The following GRIA4 variants were observed in gnomAD, a reference collection of about 807,000 sequenced individuals.
GRIA4 encodes glutamate receptor 4.
A neutral mutation model predicts 104.0 loss-of-function variants in GRIA4; 34 were observed. The ratio of observed to expected loss-of-function variants is 0.33; its 90% CI spans 0.25 to 0.44. The LOEUF is 0.44. Among genes scored for constraint, GRIA4 ranks in the 20% least tolerant of loss-of-function variants. GRIA4 has a pLI of 1.00. For missense variants in GRIA4, 750 were observed against 1,096.5 expected (o/e 0.68, Z 4.46); for synonymous variants, 386 against 381.9 (o/e 1.01, Z -0.13).
intron 14 of GRIA4, among the ~76,000 whole-genome samples, chr11:105,936,695 T>C (rs1219440317): frequency 6.6e-6 from 1 of 152,192 alleles, no homozygotes; most frequent in African/African-American, 2.4e-5. Flanking sequence ...GAGTACGATA[T>C]ATAACCAGAA....
rs999572592 is a variant in GRIA4, at chr11:105,979,987, G to T, written c.*248G>T. The T allele has an allele frequency of 1.6e-5, 6 of 384,310 alleles. No individual in the cohort carries two copies. Among genetic ancestry groups the T allele is most frequent in the African/African-American group, 2.0e-5 (1 of 49,932 alleles). The allele number at this position is 384,310 out of a possible 1,614,324, so 23.8% of individuals were successfully genotyped here. On this transcript the variant is annotated 3_prime_UTR_variant, in exon 17 of 17. Coordinates refer to ENST00000282499, the MANE Select transcript of GRIA4 (RefSeq NM_000829.4). ...GGTTTTTTTCGGGGAGTGGGTGGGG[G>T]AGGGATCTGGGATGGGTGTATTAAC...
At chr11:105,679,057 GA>G (rs1020124319) in intron 3 of GRIA4, among the ~76,000 whole-genome samples, 1 of 151,914 alleles carries the variant, frequency 6.6e-6, no homozygotes, top group Non-Finnish European at 1.5e-5. Context: ...TGTATATATA[GA>G]AAAAAAATCT....
At chr11:105,900,974 T>C (rs1565327890) in intron 7 of GRIA4, among the ~76,000 whole-genome samples, 1 of 152,194 alleles carries the variant, frequency 6.6e-6, no homozygotes, top group South Asian at 2.1e-4. Context: ...ATATATATTT[T>C]GTAAATGTGA....
intron 3 of GRIA4, among the ~76,000 whole-genome samples, chr11:105,616,289 C>T (rs2135255314): frequency 6.6e-6 from 1 of 151,636 alleles, no homozygotes; most frequent in South Asian, 2.1e-4. Context: ...CAAATAGAAT[C>T]AATATTATGC....
chr11:105,739,678 A>G (rs551383046), intron 3 of GRIA4, among the ~76,000 whole-genome samples: 2 of 152,218 alleles, frequency 1.3e-5, no homozygotes, highest in South Asian at 4.1e-4. Flanking sequence ...CCTATCCACC[A>G]TCTGATTGAG....
chr11:105,886,768 G>T (rs950887890), intron 5 of GRIA4, among the ~76,000 whole-genome samples: 4 of 152,016 alleles, frequency 2.6e-5, no homozygotes, highest in Middle Eastern at 3.4e-3. Flanking sequence ...CTTGTTGAAG[G>T]AATTTTCAGT....
At chr11:105,754,499 T>C (rs1436492276) in intron 4 of GRIA4, among the ~76,000 whole-genome samples, 4 of 152,150 alleles carry the variant, frequency 2.6e-5, no homozygotes, top group Admixed American at 2.6e-4. Flanking sequence ...ACCTTTCACT[T>C]TACCAGTTTT....
chr11:105,627,616 G>T (rs567267025), intron 3 of GRIA4, among the ~76,000 whole-genome samples: 6 of 152,150 alleles, frequency 3.9e-5, no homozygotes, highest in African/African-American at 1.4e-4. Flanking sequence ...GACCCATTTT[G>T]GTATGTAATT....
chr11:105,738,058 C>T (rs529549250), intron 3 of GRIA4, among the ~76,000 whole-genome samples: 20 of 149,738 alleles, frequency 1.3e-4, no homozygotes, highest in Non-Finnish European at 1.8e-4. Flanking sequence ...TGCCTGGATG[C>T]CTCCCTCTCA....
At chr11:105,910,297 T>C in intron 9 of GRIA4, 138 bp from the exon 10 acceptor site, 1 of 604,656 alleles carries the variant, frequency 1.7e-6, no homozygotes, top group East Asian at 2.8e-5. Context: ...CTGAACACTT[T>C]TTTTTTTTCT....
intron 5 of GRIA4, among the ~76,000 whole-genome samples, chr11:105,882,455 G>A (rs1232214898): frequency 6.6e-6 from 1 of 152,154 alleles, no homozygotes; most frequent in East Asian, 1.9e-4. Flanking sequence ...TGTAAAATCT[G>A]ATTGTGGATT....
intron 3 of GRIA4, among the ~76,000 whole-genome samples, chr11:105,747,521 G>C (rs1340799964): frequency 1.3e-5 from 2 of 152,114 alleles, no homozygotes; most frequent in Non-Finnish European, 2.9e-5. Flanking sequence ...AAATGTCTAT[G>C]TATTATTCAG....
At chr11:105,958,414 T>C (rs190209377) in intron 14 of GRIA4, among the ~76,000 whole-genome samples, 40 of 152,348 alleles carry the variant, frequency 2.6e-4, no homozygotes, top group African/African-American at 8.7e-4. Flanking sequence ...GTGGATTATA[T>C]TTATTGATTT....
chr11:105,714,459 A>G (rs1954022386), intron 3 of GRIA4, among the ~76,000 whole-genome samples: 1 of 152,138 alleles, frequency 6.6e-6, no homozygotes. Context: ...ATAAAATGAT[A>G]TATCCATTCT....
chr11:105,647,370 G>A (rs142878609), intron 3 of GRIA4, among the ~76,000 whole-genome samples: 14 of 152,242 alleles, frequency 9.2e-5, no homozygotes, highest in African/African-American at 3.1e-4. Context: ...CAGCCATTGT[G>A]GAAGACAGTG....
intron 14 of GRIA4, 75 bp from the exon 15 acceptor site, chr11:105,971,839 C>T (rs568965254): frequency 1.4e-4 from 128 of 937,224 alleles, no homozygotes; most frequent in South Asian, 2.4e-4. Flanking sequence ...CTTTGCCATG[C>T]GATTCTAATG....
chr11:105,933,998 T>C (rs199651026), intron 14 of GRIA4, 29 bp downstream of exon 14: 7 of 1,570,784 alleles, frequency 4.5e-6, no homozygotes, highest in Non-Finnish European at 6.1e-6. Context: ...CAATATAACA[T>C]GTGTTGTTAT....
chr11:105,913,134 C>T (rs904296882), intron 10 of GRIA4: 10 of 593,748 alleles, frequency 1.7e-5, no homozygotes, highest in Admixed American at 6.4e-5. Context: ...ATTTATTGAG[C>T]GTCTGCTATG....
chr11:105,711,270 CACCTA>C (rs1343499784), intron 3 of GRIA4, among the ~76,000 whole-genome samples: 1 of 151,736 alleles, frequency 6.6e-6, no homozygotes, highest in Non-Finnish European at 1.5e-5. Context: ...GTTCAGTTCC[CACCTA>C]TGAGTCGGGG....
Sources: allele counts gnomAD v4.1 joint callset (sites outside exome capture counted in the v4.1 genomes callset), GRCh38; gene constraint gnomAD v4.1.1; transcripts MANE v1.5; gene names NCBI Gene and HGNC (gene_info 2026-07-23, HGNC 2026-07-21).